PPP4C: variants seen among roughly 807,000 people sequenced by gnomAD.
PPP4C encodes the protein protein phosphatase 4 catalytic subunit, also known as serine/threonine-protein phosphatase 4 catalytic subunit.
A neutral mutation model predicts 40.5 loss-of-function variants in PPP4C; 10 were observed. The observed-to-expected ratio is 0.25, with a 90% CI of 0.15 to 0.42. PPP4C has a LOEUF of 0.42. Ranked by LOEUF, PPP4C falls within the 10% of genes least tolerant of loss-of-function variation. The probability of loss-of-function intolerance (pLI) is 1.00; values close to 1 mark genes in which losing one functional copy is unlikely to be tolerated. For missense variants in PPP4C, 191 were observed against 416.4 expected (o/e 0.46, Z 4.71); for synonymous variants, 187 against 163.6 (o/e 1.14, Z -1.09).
intron 8 of PPP4C, 23 bp from the exon 9 acceptor site, chr16:30,084,910 G>C (rs773624558): frequency 4.3e-6 from 7 of 1,613,780 alleles, no homozygotes; most frequent in Non-Finnish European, 8.5e-7. Flanking sequence ...AGCTGCTCCT[G>C]ACCCTGCTGC....
chr16:30,083,647 C>T lies in PPP4C; in HGVS notation c.478-8C>T. 1 of 1,614,170 alleles carries T rather than the reference C, an allele frequency of 6.2e-7. No individual in the cohort carries two copies. The highest frequency in any genetic ancestry group is 1.3e-5 in the African/African-American group (1 of 75,036). On this transcript the variant is annotated splice_region_variant and splice_polypyrimidine_tract_variant and intron_variant, in intron 6 of 8. Coordinates refer to ENST00000279387, the MANE Select transcript of PPP4C (RefSeq NM_002720.3). The surrounding 1 kb of genome is among the most constrained non-coding windows in gnomAD (Gnocchi z 6.3). ...AGCCCCGTCCTCTTTCCCTGCTCTC[C>T]CCTGTAGATCTTCTGCGTGCACGGG...
chr16:30,079,522 AGAG>A (rs921025849), intron 2 of PPP4C, among the ~76,000 whole-genome samples: 2 of 152,242 alleles, frequency 1.3e-5, no homozygotes, highest in Admixed American at 1.3e-4. Context: ...GTGAGGCTGA[AGAG>A]AACCTCCCCA....
intron 3 of PPP4C, 150 bp from the exon 4 acceptor site, chr16:30,082,334 C>G: frequency 1.3e-6 from 1 of 770,248 alleles, no homozygotes; most frequent in Non-Finnish European, 2.3e-6. Context: ...CCAGACCAGA[C>G]TGACTTGGGG....
intron 2 of PPP4C, among the ~76,000 whole-genome samples, chr16:30,080,580 C>T (rs1323899490): frequency 6.7e-6 from 1 of 148,576 alleles, no homozygotes; most frequent in Non-Finnish European, 1.5e-5. Flanking sequence ...GATCTTAGCT[C>T]ACTGCAGCCC....
At chr16:30,079,169 T>G (rs577836397) in intron 2 of PPP4C, among the ~76,000 whole-genome samples, 4 of 152,060 alleles carry the variant, frequency 2.6e-5, no homozygotes, top group African/African-American at 9.6e-5. Context: ...CGCTTTTCTG[T>G]AAGCTTTGGT....
At chr16:30,078,819 C>G (rs1049408095) in intron 2 of PPP4C, among the ~76,000 whole-genome samples, 4 of 152,230 alleles carry the variant, frequency 2.6e-5, no homozygotes, top group Non-Finnish European at 4.4e-5. Flanking sequence ...AAGTCACTTT[C>G]TGATTTTTTG....
At chr16:30,076,892 A>G (rs1224786645) in intron 2 of PPP4C, among the ~76,000 whole-genome samples, 5 of 152,140 alleles carry the variant, frequency 3.3e-5, no homozygotes, top group African/African-American at 9.7e-5. Context: ...AATTACAACA[A>G]CCCTTAAAGA....
In PPP4C at chr16:30,076,194, G is replaced by T. The variant is rs1183268372; in HGVS notation, c.-64+100G>T. ...GCGGCCAGGCCGTTGGACGCCGGGG[G>T]GTCCTGGGGCCGATGTGAGGGGAGG... On this transcript the variant is annotated intron_variant, in intron 1 of 8. Transcript: ENST00000279387. 10 of 617,528 alleles carry T rather than the reference G, an allele frequency of 1.6e-5. 1 individual carries two copies. In the African/African-American group the frequency reaches 1.9e-4, roughly 12 times the overall value. The allele number at this position is 617,528 out of a possible 1,614,324, so 38.3% of individuals were successfully genotyped here. A position where few individuals can be genotyped will look rare whatever the true frequency, so the allele number is the denominator to read the frequency against.
intron 2 of PPP4C, 129 bp from the exon 3 acceptor site, chr16:30,081,130 A>G (rs887483312): frequency 2.3e-6 from 3 of 1,304,838 alleles, no homozygotes; most frequent in African/African-American, 2.9e-5. Context: ...TTTTGGGGAG[A>G]CTGTACGCTT....
In PPP4C at chr16:30,083,563, G is replaced by C; in HGVS notation, c.473G>C (p.Gly158Ala). Residue 158 changes from glycine to alanine, a missense_variant, in exon 6 of 9, where the codon GGC (glycine) becomes GCC (alanine). Transcript: ENST00000279387. The surrounding 1 kb of genome is among the most constrained non-coding windows in gnomAD (Gnocchi z 6.3). Reference protein sequence around the residue: ...DYLSLSAIIDGKIFCVHGGLS... With the variant: ...DYLSLSAIIDAKIFCVHGGLS... ...CTCAGCCTGTCAGCCATCATCGATG[G>C]CAAGGTAAGCCAGCCCAGGGCTCCA... 6.2e-7 allele frequency: 1 copy of C among 1,614,100 alleles called. No individual in the cohort carries two copies. Among genetic ancestry groups the C allele is most frequent in the Non-Finnish European group, 8.5e-7 (1 of 1,179,982 alleles).
chr16:30,080,344 CAAAAAAAAAAAA>C (rs766436567), intron 2 of PPP4C, among the ~76,000 whole-genome samples: 1 of 45,344 alleles, frequency 2.2e-5, no homozygotes. Flanking sequence ...GACTCTGTCT[CAAAAAAAAAAAA>C]AAAAAAAAAA....
Position 30,083,355 on chromosome 16 carries a change from C to T in PPP4C, c.304-39C>T. The T allele has an allele frequency of 1.3e-6, 2 of 1,587,300 alleles. No homozygotes were observed. The highest frequency in any genetic ancestry group is 1.7e-6 in the Non-Finnish European group (2 of 1,166,832). Reference sequence around the variant, plus strand: ...GGTCAGAGAGGGATGTGTGGAGAGACCGTCTAGGCGCCAGCCCTGGCTTGG... The same window carrying T: ...GGTCAGAGAGGGATGTGTGGAGAGATCGTCTAGGCGCCAGCCCTGGCTTGG... On this transcript the variant is annotated intron_variant, in intron 5 of 8. Transcript: ENST00000279387. The surrounding 1 kb of genome is among the most constrained non-coding windows in gnomAD (Gnocchi z 6.3).
intron 2 of PPP4C, among the ~76,000 whole-genome samples, chr16:30,078,120 G>T (rs2072437721): frequency 1.3e-5 from 2 of 152,188 alleles, no homozygotes; most frequent in Non-Finnish European, 2.9e-5. Context: ...TCCCTCACGG[G>T]CCCTGGATCA....
rs1444867452 is a variant in PPP4C at position 30,083,982 on chromosome 16, C to A, written c.604+201C>A. Among the ~76,000 whole-genome samples, 1 of 152,232 alleles carries A rather than the reference C, an allele frequency of 6.6e-6. No individual in the cohort carries two copies. The highest frequency in any genetic ancestry group is 1.5e-5 in the Non-Finnish European group (1 of 68,026). On this transcript the variant is annotated intron_variant, in intron 7 of 8. Coordinates refer to ENST00000279387, the MANE Select transcript of PPP4C (RefSeq NM_002720.3). The surrounding 1 kb of genome is among the most constrained non-coding windows in gnomAD (Gnocchi z 6.3). ...GGCCCAGAGGGCTGTGGAGGACAAC[C>A]AAGTCATGGCTCCCTGAAGTGAAGG...
intron 2 of PPP4C, among the ~76,000 whole-genome samples, chr16:30,078,403 T>C (rs1270658447): frequency 6.6e-6 from 1 of 152,174 alleles, no homozygotes; most frequent in Non-Finnish European, 1.5e-5. Flanking sequence ...CAGAGGCATT[T>C]AGATTTTGAT....
At chr16:30,080,636 A>G (rs1169821115) in intron 2 of PPP4C, among the ~76,000 whole-genome samples, 1 of 151,362 alleles carries the variant, frequency 6.6e-6, no homozygotes, top group Non-Finnish European at 1.5e-5. Flanking sequence ...CCTCCCAAGT[A>G]GCTGGGATTA....
Position 30,085,273 on chromosome 16 carries a change from T to C in PPP4C, c.*211T>C. ...CTCTCCCCACTTGAACCATGAAGTT[T>C]CCAATAATTTTTTTTTCTTTTTTTC... On this transcript the variant is annotated 3_prime_UTR_variant, in exon 9 of 9. Transcript: ENST00000279387. The C allele has an allele frequency of 2.4e-6, 1 of 417,674 alleles. No homozygotes were observed. Among genetic ancestry groups the C allele is most frequent in the Non-Finnish European group, 4.1e-6 (1 of 241,552 alleles). 25.9% of individuals were successfully genotyped at this position (417,674 alleles called of 1,614,324 possible).
intron 3 of PPP4C, chr16:30,081,751 A>G (rs28586951): frequency 1.3e-5 from 2 of 155,698 alleles, no homozygotes; most frequent in African/African-American, 5.1e-5. Context: ...TCAAAAAAAA[A>G]CAAAAAAAAA....
chr16:30,083,289 G>A lies in PPP4C; in HGVS notation c.304-105G>A. ...AGGCAAGAGGTGCCAGGAGTGTGCT[G>A]GGCAGTGGTTGTGAGGATGGCAGGC... On this transcript the variant is annotated intron_variant, in intron 5 of 8. Coordinates refer to ENST00000279387, the MANE Select transcript of PPP4C (RefSeq NM_002720.3). The surrounding 1 kb of genome is among the most constrained non-coding windows in gnomAD (Gnocchi z 6.3). 7.7e-7 allele frequency: 1 copy of A among 1,304,780 alleles called. No individual in the cohort carries two copies. The highest frequency in any genetic ancestry group is 1.1e-6 in the Non-Finnish European group (1 of 933,166). The allele number at this position is 1,304,780 out of a possible 1,614,324, so 80.8% of individuals were successfully genotyped here. A position where few individuals can be genotyped will look rare whatever the true frequency, so the allele number is the denominator to read the frequency against.
Sources: allele counts gnomAD v4.1 joint callset (sites outside exome capture counted in the v4.1 genomes callset), GRCh38; gene constraint gnomAD v4.1.1; non-coding constraint Gnocchi (gnomAD v3.1); transcripts MANE v1.5; gene names NCBI Gene and HGNC (gene_info 2026-07-23, HGNC 2026-07-21).